The following NEO1 variants were observed in gnomAD, a reference collection of about 807,000 sequenced individuals.
NEO1 encodes neogenin.
Under a neutral mutation model 159.7 loss-of-function variants are expected in NEO1, and 63 were observed. The ratio of observed to expected loss-of-function variants is 0.39; its 90% CI spans 0.32 to 0.49. The LOEUF (loss-of-function observed/expected upper bound fraction) is 0.49, where lower values mean the gene tolerates loss of function less well. Among genes scored for constraint, NEO1 ranks in the 20% least tolerant of loss-of-function variants. The pLI is 0.85. For synonymous variants in NEO1, 633 were observed against 662.0 expected (o/e 0.96, Z 0.67); for missense variants, 1,615 against 1,831.0 (o/e 0.88, Z 2.15).
At chr15:73,199,759 G>A (rs1004738296) in intron 7 of NEO1, among the ~76,000 whole-genome samples, 1 of 152,150 alleles carries the variant, frequency 6.6e-6, no homozygotes, top group African/African-American at 2.4e-5. Context: ...AACAGGTTTG[G>A]TGTCTGGTAA....
At chr15:73,263,260 C>G (rs1295750021) in intron 15 of NEO1, among the ~76,000 whole-genome samples, 1 of 146,844 alleles carries the variant, frequency 6.8e-6, no homozygotes, top group African/African-American at 2.5e-5. Flanking sequence ...GTGGCGCGAT[C>G]TCAGCTCACT....
chr15:73,164,406 G>C (rs1470805699), intron 5 of NEO1, among the ~76,000 whole-genome samples: 1 of 151,684 alleles, frequency 6.6e-6, no homozygotes, highest in Non-Finnish European at 1.5e-5. Context: ...GTAGAGACAG[G>C]GTTTCACCAT....
At chr15:73,207,655 C>A (rs1011494724) in intron 7 of NEO1, among the ~76,000 whole-genome samples, 1 of 152,198 alleles carries the variant, frequency 6.6e-6, no homozygotes, top group Non-Finnish European at 1.5e-5. Context: ...GTCCCTACTG[C>A]ACAATGAGAT....
chr15:73,243,223 TA>T (rs11336059), intron 8 of NEO1, among the ~76,000 whole-genome samples: 128,229 of 152,146 alleles, frequency 0.84, 55,574 homozygotes, highest in Non-Finnish European at 0.94. Context: ...TAAAGTAACT[TA>T]AAAGAACTAT....
chr15:73,244,954 CAAAAAAAAAAAAAAAAA>C (rs57566986), intron 9 of NEO1, among the ~76,000 whole-genome samples: 1 of 16,514 alleles, frequency 6.1e-5, no homozygotes, highest in Non-Finnish European at 1.1e-4. Flanking sequence ...GACTCTGTCT[CAAAAAAAAAAAAAAAAA>C]AAAAAAAAAA....
intron 1 of NEO1, among the ~76,000 whole-genome samples, chr15:73,076,146 T>C (rs918208929): frequency 3.3e-5 from 5 of 152,142 alleles, no homozygotes; most frequent in African/African-American, 4.8e-5. Flanking sequence ...AAGGTGCGGC[T>C]CAGATCTCCC....
intron 3 of NEO1, among the ~76,000 whole-genome samples, chr15:73,123,878 G>A (rs145012319): frequency 4.4e-4 from 67 of 152,212 alleles, no homozygotes; most frequent in Non-Finnish European, 9.1e-4. Context: ...GGACTGGTTC[G>A]CAAAGCAGGA....
intron 5 of NEO1, among the ~76,000 whole-genome samples, chr15:73,142,499 A>T (rs1425773799): frequency 6.6e-6 from 1 of 152,180 alleles, no homozygotes; most frequent in South Asian, 2.1e-4. Flanking sequence ...AAGCCACAGG[A>T]TGGGGCAGAG....
At chr15:73,100,842 T>C (rs1439375641) in intron 1 of NEO1, among the ~76,000 whole-genome samples, 8 of 152,232 alleles carry the variant, frequency 5.3e-5, no homozygotes, top group African/African-American at 1.9e-4. Context: ...TCTTCCATTC[T>C]TGCCACAGCT....
intron 7 of NEO1, among the ~76,000 whole-genome samples, chr15:73,205,822 A>G (rs907094165): frequency 6.6e-6 from 1 of 152,156 alleles, no homozygotes; most frequent in East Asian, 1.9e-4. Context: ...TAAGAATGAA[A>G]ATGATGACTT....
At chr15:73,062,972 T>C (rs1567108464) in intron 1 of NEO1, among the ~76,000 whole-genome samples, 1 of 152,156 alleles carries the variant, frequency 6.6e-6, no homozygotes. Context: ...AAAGAAAGCC[T>C]GGGGCAAAGA....
intron 23 of NEO1, among the ~76,000 whole-genome samples, chr15:73,285,263 G>T (rs2041898378): frequency 6.6e-6 from 1 of 152,160 alleles, no homozygotes; most frequent in South Asian, 2.1e-4. Context: ...GGGATTACAG[G>T]CATGTGCCAC....
At chr15:73,083,485 A>G (rs2069183273) in intron 1 of NEO1, among the ~76,000 whole-genome samples, 2 of 152,116 alleles carry the variant, frequency 1.3e-5, no homozygotes, top group Non-Finnish European at 2.9e-5. Flanking sequence ...AAAGTCGAGT[A>G]GCCCCAGCGT....
chr15:73,151,123 C>T (rs1374524282), intron 5 of NEO1, among the ~76,000 whole-genome samples: 1 of 152,174 alleles, frequency 6.6e-6, no homozygotes, highest in Non-Finnish European at 1.5e-5. Context: ...TGGTGTCAGT[C>T]ATTTTAACTT....
intron 5 of NEO1, among the ~76,000 whole-genome samples, chr15:73,142,091 CTTTTTTTT>C (rs139318789): frequency 6.8e-6 from 1 of 147,226 alleles, no homozygotes; most frequent in African/African-American, 2.5e-5. Flanking sequence ...GGATTAAACT[CTTTTTTTT>C]TTAGAAGAGC....
At chr15:73,228,730 T>C (rs775879282) in intron 7 of NEO1, among the ~76,000 whole-genome samples, 35 of 152,150 alleles carry the variant, frequency 2.3e-4, no homozygotes, top group Non-Finnish European at 1.2e-4. Flanking sequence ...GTTTAGTTCT[T>C]AGATTAAGAC....
chr15:73,068,145 G>A (rs948186006), intron 1 of NEO1, among the ~76,000 whole-genome samples: 16 of 151,606 alleles, frequency 1.1e-4, no homozygotes, highest in Admixed American at 1.3e-4. Context: ...TACTGCTAAC[G>A]CATTGTTTGC....
intron 28 of NEO1, 160 bp downstream of exon 28, chr15:73,301,617 C>T: frequency 1.0e-6 from 1 of 974,306 alleles, no homozygotes. Context: ...TTGAGCATCT[C>T]TTCTGAGCCG....
At chr15:73,182,800 A>G (rs531200073) in intron 7 of NEO1, among the ~76,000 whole-genome samples, 19 of 152,326 alleles carry the variant, frequency 1.2e-4, no homozygotes, top group Middle Eastern at 3.4e-3. Flanking sequence ...GGGAGCTACA[A>G]TTCAAGGTGA....
Sources: allele counts gnomAD v4.1 joint callset (sites outside exome capture counted in the v4.1 genomes callset), GRCh38; gene constraint gnomAD v4.1.1; transcripts MANE v1.5; gene names NCBI Gene and HGNC (gene_info 2026-07-23, HGNC 2026-07-21).